CSNK2A2IP: variants seen among roughly 807,000 people sequenced by gnomAD.
CSNK2A2IP encodes casein kinase 2 subunit alpha' interacting protein, also known as casein kinase II subunit alpha'-interacting protein.
the CSNK2A2IP span, among the ~76,000 whole-genome samples, chr3:88,351,399 T>C: frequency 6.6e-6 from 1 of 152,056 alleles, no homozygotes; most frequent in Admixed American, 6.6e-5. Context: ...AAAGACGATG[T>C]TAATTTCTTT....
chr3:88,447,183 T>C, the CSNK2A2IP span, among the ~76,000 whole-genome samples: 1 of 152,018 alleles, frequency 6.6e-6, no homozygotes, highest in Non-Finnish European at 1.5e-5. Flanking sequence ...CATAGGTAAA[T>C]AAAAATGACC....
the CSNK2A2IP span, among the ~76,000 whole-genome samples, chr3:88,362,566 G>A: frequency 6.6e-6 from 1 of 152,204 alleles, no homozygotes; most frequent in Non-Finnish European, 1.5e-5. Context: ...TAATGCCCAT[G>A]ACCTCTTAGA....
the CSNK2A2IP span, among the ~76,000 whole-genome samples, chr3:88,420,755 T>C: frequency 2.0e-5 from 3 of 152,088 alleles, no homozygotes; most frequent in Non-Finnish European, 4.4e-5. Context: ...GTTTATGACA[T>C]ATAAGTATAC....
chr3:88,422,828 A>G, the CSNK2A2IP span, among the ~76,000 whole-genome samples: 66 of 152,244 alleles, frequency 4.3e-4, no homozygotes, highest in African/African-American at 1.6e-3. Flanking sequence ...TTTTCTTATT[A>G]TGTCTTCATC....
At chr3:88,341,585 A>G in the CSNK2A2IP span, among the ~76,000 whole-genome samples, 3 of 150,104 alleles carry the variant, frequency 2.0e-5, no homozygotes, top group African/African-American at 7.3e-5. Context: ...TGGATACTCA[A>G]TAAATGCTAT....
the CSNK2A2IP span, among the ~76,000 whole-genome samples, chr3:88,383,651 CTTT>C: frequency 7.2e-3 from 637 of 88,568 alleles, 1 homozygote; most frequent in Middle Eastern, 0.016. Context: ...TCTTTTCTTT[CTTT>C]TTTTTTTTTT....
the CSNK2A2IP span, among the ~76,000 whole-genome samples, chr3:88,437,917 T>C: frequency 3.9e-5 from 6 of 152,194 alleles, no homozygotes; most frequent in Admixed American, 3.3e-4. Flanking sequence ...CTCATAACAA[T>C]ACTGAACTCT....
At chr3:88,352,740 C>T in the CSNK2A2IP span, among the ~76,000 whole-genome samples, 147 of 152,002 alleles carry the variant, frequency 9.7e-4, no homozygotes, top group Non-Finnish European at 1.6e-3. Flanking sequence ...TATCACACCC[C>T]GCTTAATTAT....
At chr3:88,419,275 G>T in the CSNK2A2IP span, among the ~76,000 whole-genome samples, 1 of 152,030 alleles carries the variant, frequency 6.6e-6, no homozygotes, top group Non-Finnish European at 1.5e-5. Context: ...ACTTGTCCCT[G>T]GTGCCAAAAG....
the CSNK2A2IP span, among the ~76,000 whole-genome samples, chr3:88,401,469 T>C: frequency 6.6e-6 from 1 of 152,094 alleles, no homozygotes; most frequent in Non-Finnish European, 1.5e-5. Context: ...CATTAAATTA[T>C]AAAACAAAAA....
chr3:88,456,637 C>A, the CSNK2A2IP span, among the ~76,000 whole-genome samples: 1 of 142,132 alleles, frequency 7.0e-6, no homozygotes, highest in African/African-American at 2.5e-5. Context: ...TCTGCAGAGA[C>A]AATTTTACTT....
At chr3:88,417,815 T>C in the CSNK2A2IP span, among the ~76,000 whole-genome samples, 1 of 152,226 alleles carries the variant, frequency 6.6e-6, no homozygotes, top group Non-Finnish European at 1.5e-5. Flanking sequence ...CTATGATCCA[T>C]AGAGGTTAAT....
the CSNK2A2IP span, among the ~76,000 whole-genome samples, chr3:88,364,365 A>G: frequency 2.0e-5 from 3 of 152,050 alleles, no homozygotes; most frequent in African/African-American, 7.2e-5. Flanking sequence ...AGATTATAAA[A>G]TATAACTTTT....
chr3:88,444,754 A>T, the CSNK2A2IP span, among the ~76,000 whole-genome samples: 1 of 152,206 alleles, frequency 6.6e-6, no homozygotes, highest in Non-Finnish European at 1.5e-5. Context: ...GCAATGTGTA[A>T]CCTACCAAAT....
chr3:88,415,125 A>C, the CSNK2A2IP span, among the ~76,000 whole-genome samples: 1 of 152,010 alleles, frequency 6.6e-6, no homozygotes, highest in Non-Finnish European at 1.5e-5. Context: ...GTGGAATCAT[A>C]AACAATGTTA....
chr3:88,396,450 G>A, the CSNK2A2IP span, among the ~76,000 whole-genome samples: 189 of 152,304 alleles, frequency 1.2e-3, 1 homozygote, highest in African/African-American at 4.2e-3. Context: ...CTTGACCTTA[G>A]GAGGAGAGTA....
the CSNK2A2IP span, chr3:88,399,575 T>C: frequency 1.3e-5 from 2 of 152,198 alleles, no homozygotes; most frequent in African/African-American, 4.8e-5. Flanking sequence ...GTGCTGGACA[T>C]TGGGCAGGAA....
the CSNK2A2IP span, among the ~76,000 whole-genome samples, chr3:88,453,049 A>C: frequency 2.9e-3 from 438 of 152,244 alleles, 2 homozygotes; most frequent in African/African-American, 9.8e-3. Context: ...GAGCTTGACG[A>C]GGCAGAAATT....
chr3:88,455,759 T>TA, the CSNK2A2IP span, among the ~76,000 whole-genome samples: 3 of 152,074 alleles, frequency 2.0e-5, no homozygotes, highest in Middle Eastern at 3.4e-3. Context: ...TGGCATCATA[T>TA]AAAAAAATCA....
Sources: gnomAD v4.1 joint callset for allele counts (sites outside exome capture counted in the v4.1 genomes callset) on GRCh38, gnomAD v4.1.1 for gene constraint, MANE v1.5 for transcripts, NCBI Gene and HGNC (gene_info 2026-07-23, HGNC 2026-07-21) for gene names.